The following ATG10 variants were observed in gnomAD, a reference collection of about 807,000 sequenced individuals.
The protein encoded by ATG10 is autophagy related 10, also known as ubiquitin-like-conjugating enzyme ATG10.
A neutral mutation model predicts 32.1 loss-of-function variants in ATG10; 30 were observed. The ratio of observed to expected loss-of-function variants is 0.94; its 90% confidence interval spans 0.70 to 1.27. The LOEUF (loss-of-function observed/expected upper bound fraction) is 1.27. Ranked by LOEUF, ATG10 falls within the 50% of genes most tolerant of loss-of-function variation. ATG10 has a pLI of 0.00. For synonymous variants in ATG10, 87 were observed against 91.5 expected (o/e 0.95, Z 0.28); for missense variants, 233 against 262.3 (o/e 0.89, Z 0.77).
intron 3 of ATG10, among the ~76,000 whole-genome samples, chr5:82,071,443 TTG>T (rs148062060): frequency 0.015 from 2,222 of 152,206 alleles, 40 homozygotes; most frequent in African/African-American, 0.05. Flanking sequence ...CACTCAGCAG[TTG>T]GGAGAGAGGC....
intron 3 of ATG10, among the ~76,000 whole-genome samples, chr5:82,157,135 AGGAAAC>A (rs1353964797): frequency 1.6e-4 from 24 of 152,186 alleles, no homozygotes; most frequent in Admixed American, 4.6e-4. Context: ...AATCCTGCAC[AGGAAAC>A]AGATTCTTCC....
chr5:82,022,141 A>T (rs1762459056), intron 2 of ATG10, among the ~76,000 whole-genome samples: 1 of 150,316 alleles, frequency 6.7e-6, no homozygotes, highest in Non-Finnish European at 1.5e-5. Context: ...GTGAGCCGAG[A>T]TTGCGCCACT....
intron 3 of ATG10, among the ~76,000 whole-genome samples, chr5:82,103,703 A>G (rs1354402269): frequency 6.6e-6 from 1 of 152,096 alleles, no homozygotes; most frequent in Admixed American, 6.6e-5. Flanking sequence ...TCAGTTATGA[A>G]TGTATGCCTT....
intron 2 of ATG10, among the ~76,000 whole-genome samples, chr5:82,014,310 T>C (rs567143325): frequency 1.3e-3 from 196 of 152,296 alleles, no homozygotes; most frequent in African/African-American, 4.4e-3. Context: ...ATTCTGTTGA[T>C]TTGGGGTGGA....
At chr5:82,233,683 A>G (rs1383144555) in intron 5 of ATG10, among the ~76,000 whole-genome samples, 1 of 152,198 alleles carries the variant, frequency 6.6e-6, no homozygotes, top group South Asian at 2.1e-4. Context: ...AACATAGAGC[A>G]GTTCCAGAGA....
chr5:82,164,913 G>C (rs2149901142), intron 4 of ATG10, among the ~76,000 whole-genome samples: 1 of 152,304 alleles, frequency 6.6e-6, no homozygotes, highest in Non-Finnish European at 1.5e-5. Flanking sequence ...TAACTCAGAA[G>C]CTCCTGTGCC....
At chr5:82,018,517 A>G (rs951205482) in intron 2 of ATG10, among the ~76,000 whole-genome samples, 1 of 152,194 alleles carries the variant, frequency 6.6e-6, no homozygotes, top group Non-Finnish European at 1.5e-5. Context: ...ACAATACACC[A>G]TAAACTGTGC....
intron 2 of ATG10, among the ~76,000 whole-genome samples, chr5:81,993,369 T>TTTCCTTC (rs1554039351): frequency 5.0e-4 from 19 of 38,040 alleles, no homozygotes; most frequent in South Asian, 1.8e-3. Context: ...CCTTCTTTTC[T>TTTCCTTC]TTTCTTTTCT....
At chr5:82,023,029 T>C (rs1239492798) in intron 2 of ATG10, among the ~76,000 whole-genome samples, 1 of 150,568 alleles carries the variant, frequency 6.6e-6, no homozygotes, top group Non-Finnish European at 1.5e-5. Context: ...TATATGTATG[T>C]ATATATATTT....
chr5:82,043,395 G>A (rs776971494), intron 2 of ATG10, among the ~76,000 whole-genome samples: 8 of 152,150 alleles, frequency 5.3e-5, no homozygotes, highest in African/African-American at 1.7e-4. Context: ...GTCATGGGAC[G>A]GGCTGCCCTG....
intron 3 of ATG10, among the ~76,000 whole-genome samples, chr5:82,075,168 C>T (rs1764236800): frequency 1.3e-5 from 2 of 152,144 alleles, no homozygotes; most frequent in African/African-American, 4.8e-5. Context: ...GCTCTCTCTT[C>T]GTTACAGAAA....
chr5:82,061,801 T>C, intron 3 of ATG10, among the ~76,000 whole-genome samples: 1 of 140,216 alleles, frequency 7.1e-6, no homozygotes, highest in East Asian at 2.1e-4. Flanking sequence ...TACGTATACA[T>C]ACATATACAC....
At chr5:82,187,849 A>C (rs969279356) in intron 5 of ATG10, among the ~76,000 whole-genome samples, 1 of 152,084 alleles carries the variant, frequency 6.6e-6, no homozygotes, top group Non-Finnish European at 1.5e-5. Flanking sequence ...CGGCCTCCCA[A>C]AGTGCTGGGA....
At chr5:82,158,240 G>T (rs1286034528) in intron 3 of ATG10, among the ~76,000 whole-genome samples, 1 of 152,114 alleles carries the variant, frequency 6.6e-6, no homozygotes, top group Middle Eastern at 3.2e-3. Context: ...TTGAATGAAT[G>T]TAATTTTCTA....
At chr5:82,237,967 C>T (rs1746633276) in intron 5 of ATG10, among the ~76,000 whole-genome samples, 1 of 152,174 alleles carries the variant, frequency 6.6e-6, no homozygotes, top group Admixed American at 6.5e-5. Flanking sequence ...AGCCATACAG[C>T]AAGCATTAGA....
intron 2 of ATG10, among the ~76,000 whole-genome samples, chr5:82,027,563 A>C (rs1309472281): frequency 6.6e-6 from 1 of 152,240 alleles, no homozygotes; most frequent in Non-Finnish European, 1.5e-5. Flanking sequence ...ATTTTAATGA[A>C]TGCAGAAAGT....
chr5:82,087,332 T>C (rs1421933789), intron 3 of ATG10, among the ~76,000 whole-genome samples: 1 of 152,148 alleles, frequency 6.6e-6, no homozygotes, highest in Non-Finnish European at 1.5e-5. Context: ...AAGTACTCAA[T>C]ATATTGAAAA....
chr5:82,204,003 G>A (rs1054511039), intron 5 of ATG10, among the ~76,000 whole-genome samples: 15 of 152,124 alleles, frequency 9.9e-5, no homozygotes, highest in Non-Finnish European at 1.6e-4. Context: ...TCTAGTGGGG[G>A]AGACAACAAT....
At chr5:82,191,611 G>A (rs1744665288) in intron 5 of ATG10, among the ~76,000 whole-genome samples, 1 of 152,116 alleles carries the variant, frequency 6.6e-6, no homozygotes, top group Admixed American at 6.5e-5. Context: ...TAAGAGAACT[G>A]GAATTAGAAC....
Sources: allele counts gnomAD v4.1 joint callset (sites outside exome capture counted in the v4.1 genomes callset), GRCh38; gene constraint gnomAD v4.1.1; transcripts MANE v1.5; gene names NCBI Gene and HGNC (gene_info 2026-07-23, HGNC 2026-07-21).